The following SNRNP200 variants were observed in gnomAD, a reference collection of about 807,000 sequenced individuals.
The protein encoded by SNRNP200 is small nuclear ribonucleoprotein U5 subunit 200, also known as U5 small nuclear ribonucleoprotein 200 kDa helicase.
In SNRNP200, 66 loss-of-function variants were observed where a neutral mutation model predicts 255.2. The ratio of observed to expected loss-of-function variants is 0.26; its 90% CI spans 0.21 to 0.32. The LOEUF is 0.32. Ranked by LOEUF, SNRNP200 falls within the 10% of genes least tolerant of loss-of-function variation. The pLI is 1.00. For synonymous variants in SNRNP200, 939 were observed against 1,027.8 expected, an observed-to-expected ratio of 0.91 and a Z score of 1.65; for missense variants, 1,585 against 2,749.8, an observed-to-expected ratio of 0.58 and a Z score of 9.47.
At chr2:96,298,738 A>G (rs911992935) in intron 7 of SNRNP200, 36 bp from the exon 8 acceptor site, 1 of 1,613,756 alleles carries the variant, frequency 6.2e-7, no homozygotes, top group Non-Finnish European at 8.5e-7. Flanking sequence ...TTAAGGCCAA[A>G]GCCATCTGCC....
At chr2:96,295,167 C>T (rs2063909253) in intron 14 of SNRNP200, among the ~76,000 whole-genome samples, 1 of 152,190 alleles carries the variant, frequency 6.6e-6, no homozygotes, top group Admixed American at 6.5e-5. Context: ...CAAGATCGTG[C>T]CACTGTACTC....
At position 96,289,546 on chromosome 2, in the gene SNRNP200, G is replaced by A. The variant is rs553552044; in HGVS notation, c.2941-167C>T. On this transcript the variant is annotated intron_variant, in intron 21 of 44. Transcript: ENST00000323853. ...AGGACAACTGGATGAAGTCACAGCA[G>A]TACAAGTGCCAGGCCCAGGCACATG... is the stretch of plus-strand genomic sequence containing the variant. Among the ~76,000 whole-genome samples the A allele has an allele frequency of 2.6e-5, 4 of 152,238 alleles. No individual in the cohort carries two copies. The East Asian group carries it at 7.7e-4, about 29-fold the overall frequency.
chr2:96,289,420 G>T, intron 21 of SNRNP200, 41 bp from the exon 22 acceptor site: 1 of 1,607,482 alleles, frequency 6.2e-7, no homozygotes, highest in South Asian at 1.1e-5. Context: ...GACTATTAAT[G>T]AGCTCCAACC....
Position 96,290,707 on chromosome 2 carries a change from G to GT in SNRNP200, c.2529dup (p.Leu844ThrfsTer19). On this transcript the variant is annotated frameshift_variant, in exon 19 of 45. Coordinates refer to ENST00000323853, the MANE Select transcript of SNRNP200 (RefSeq NM_014014.5). LOFTEE classifies it high-confidence loss of function. The surrounding 1 kb of genome is among the most constrained non-coding windows in gnomAD (Gnocchi z 4.5). Reference sequence around the variant, plus strand: ...ACCTGCAGAATGTCCAGTGCTCCCAGTTCTGTCCAACGCCCCTTCTCTGGA... The same window carrying GT: ...ACCTGCAGAATGTCCAGTGCTCCCAGTTTCTGTCCAACGCCCCTTCTCTGGA... 6.2e-7 allele frequency: 1 copy of GT among 1,614,190 alleles called. No homozygotes were observed. The highest frequency in any genetic ancestry group is 8.5e-7 in the Non-Finnish European group (1 of 1,180,038).
chr2:96,302,793 A>G (rs1488722737), intron 3 of SNRNP200, among the ~76,000 whole-genome samples: 1 of 152,198 alleles, frequency 6.6e-6, no homozygotes, highest in Non-Finnish European at 1.5e-5. Flanking sequence ...ACTATAAGGC[A>G]TATTACAAAA....
intron 9 of SNRNP200, 99 bp downstream of exon 9, chr2:96,298,185 T>C: frequency 6.4e-7 from 1 of 1,558,192 alleles, no homozygotes; most frequent in African/African-American, 1.4e-5. Context: ...GGAAATTACT[T>C]TTTCAACTTC....
chr2:96,283,589 C>G lies in SNRNP200; in HGVS notation c.4709G>C (p.Arg1570Pro). 1 of 1,614,026 alleles carries G rather than the reference C, an allele frequency of 6.2e-7. No homozygotes were observed. Among genetic ancestry groups the G allele is most frequent in the South Asian group, 1.1e-5 (1 of 91,086 alleles). Residue 1570 changes from arginine to proline, a missense_variant, in exon 33 of 45, where the codon CGC (arginine) becomes CCC (proline). Around this residue, in one of 9 missense-constraint regions of SNRNP200, gnomAD observed 719 missense variants for 1,091.1 expected, o/e 0.66. Transcript: ENST00000323853. This position sits in a 1 kb window ranked among gnomAD's most constrained non-coding sequence, Gnocchi z 4.7. ...IVFVPSRKQT[R>P]LTAIDILTTC... is the part of the protein sequence containing the mutation. The stretch of plus-strand genomic sequence containing the variant: ...GGTGAGGATGTCAATGGCAGTGAGG[C>G]GGGTCTGCTTGCGAGACGGCACAAA...
intron 43 of SNRNP200, among the ~76,000 whole-genome samples, chr2:96,276,162 GA>G (rs1271866264): frequency 3.9e-5 from 6 of 152,328 alleles, no homozygotes; most frequent in Middle Eastern, 6.8e-3. Context: ...TTAGTTTACA[GA>G]ATTAAACATG....
Position 96,285,270 on chromosome 2 carries a change from A to C in SNRNP200, c.4074T>G (p.Ile1358Met), listed in dbSNP as rs750776647. 1 of 1,614,170 alleles carries C rather than the reference A, an allele frequency of 6.2e-7. No homozygotes were observed. Among genetic ancestry groups the C allele is most frequent in the Non-Finnish European group, 8.5e-7 (1 of 1,180,038 alleles). ...TTCGCAGGATGGCAAACTCTGCACA[A>C]ATAGTCTTCCCGCTGCCCGTGGGGG... is the stretch of plus-strand genomic sequence containing the variant. ...VGAPTGSGKTICAEFAILRML... is the reference protein window; with the variant it reads ...VGAPTGSGKTMCAEFAILRML... Residue 1358 changes from isoleucine to methionine, a missense_variant, in exon 30 of 45, where the codon ATT (isoleucine) becomes ATG (methionine). Ile to Met is a conservative substitution (Grantham distance 10). Coordinates refer to ENST00000323853, the MANE Select transcript of SNRNP200 (RefSeq NM_014014.5).
chr2:96,275,461 G>C (rs1356158213), intron 43 of SNRNP200, 112 bp from the exon 44 acceptor site: 1 of 888,414 alleles, frequency 1.1e-6, no homozygotes, highest in Non-Finnish European at 1.9e-6. Context: ...GCTTTCCAAA[G>C]TTTCTTCCCG....
At chr2:96,288,534 G>A in intron 24 of SNRNP200, 129 bp downstream of exon 24, 1 of 800,514 alleles carries the variant, frequency 1.2e-6, no homozygotes. Flanking sequence ...CAACTACCCG[G>A]CAAGAGCAGA....
chr2:96,289,899 G>A lies in SNRNP200; in HGVS notation c.2840C>T (p.Pro947Leu), dbSNP rs2104348526. 1.2e-6 allele frequency: 2 copies of A among 1,614,136 alleles called. No individual in the cohort carries two copies. The highest frequency in any genetic ancestry group is 1.7e-6 in the Non-Finnish European group (2 of 1,180,016). ...ATCTAGTCGGCGCTGGTCCAGCAGG[G>A]GATCTCCCTTGAGGTCATCATGAGA... ...GISHDDLKGDPLLDQRRLDLV... is the reference protein window; with the variant it reads ...GISHDDLKGDLLLDQRRLDLV... Residue 947 changes from proline to leucine, a missense_variant, in exon 21 of 45, where the codon CCC becomes CTC. Coordinates refer to ENST00000323853, the MANE Select transcript of SNRNP200 (RefSeq NM_014014.5).
Position 96,296,917 on chromosome 2 carries a change from G to A in SNRNP200, c.1515+16C>T, listed in dbSNP as rs2063920694. ...ACCATATTCTACAAGAAAACAGCAG[G>A]CAGGGTGGCGCTTACAGTAGGAGCA... is the stretch of plus-strand genomic sequence containing the variant. On this transcript the variant is annotated intron_variant, in intron 12 of 44. Transcript: ENST00000323853. The A allele has an allele frequency of 6.2e-7, 1 of 1,613,974 alleles. No homozygotes were observed. Among genetic ancestry groups the A allele is most frequent in the East Asian group, 2.2e-5 (1 of 44,898 alleles).
Position 96,284,016 on chromosome 2 carries a change from G to T in SNRNP200, c.4393-12C>A. On this transcript the variant is annotated splice_polypyrimidine_tract_variant and intron_variant, in intron 31 of 44. Coordinates refer to ENST00000323853, the MANE Select transcript of SNRNP200 (RefSeq NM_014014.5). Reference sequence around the variant, plus strand: ...ACTTCTAAGACAGGCTGGAAAGAGGGAGGGAGGGAGGGTCACTGCAGGCCA... The same window carrying T: ...ACTTCTAAGACAGGCTGGAAAGAGGTAGGGAGGGAGGGTCACTGCAGGCCA... 2.6e-6 allele frequency: 4 copies of T among 1,519,922 alleles called. No individual in the cohort carries two copies. The highest frequency in any genetic ancestry group is 1.4e-5 in the African/African-American group (1 of 72,778). The allele number at this position is 1,519,922 out of a possible 1,614,324, so 94.2% of individuals were successfully genotyped here.
At position 96,286,809 on chromosome 2, in the gene SNRNP200, A is replaced by T. The variant is rs754864153; in HGVS notation, c.3708T>A (p.His1236Gln). ...EDVDSEVILH[H>Q]EYFLLKAKYA... Reference sequence around the variant, plus strand: ...ACTTGGCCTTGAGGAGAAAATACTCATGGTGCAGAATCACCTCGCTGTCCA... The same window carrying T: ...ACTTGGCCTTGAGGAGAAAATACTCTTGGTGCAGAATCACCTCGCTGTCCA... The change falls in exon 28 of 45, where the codon CAT becomes CAA. Residue 1236 changes from histidine to glutamine, a missense_variant. Coordinates refer to ENST00000323853, the MANE Select transcript of SNRNP200 (RefSeq NM_014014.5). This position sits in a 1 kb window ranked among gnomAD's most constrained non-coding sequence, Gnocchi z 4.8. 1 of 1,614,192 alleles carries T rather than the reference A, an allele frequency of 6.2e-7. No individual in the cohort carries two copies. The highest frequency in any genetic ancestry group is 8.5e-7 in the Non-Finnish European group (1 of 1,180,032).
Position 96,299,451 on chromosome 2 carries a change from C to T in SNRNP200, c.631-24G>A, listed in dbSNP as rs2063939527. The T allele has an allele frequency of 1.9e-6, 3 of 1,579,422 alleles. No homozygotes were observed. In the East Asian group the frequency reaches 6.7e-5, roughly 35 times the overall value. ...TCCTGTGGAAATGACCCCAACTCAA[C>T]CATGATCTGGAGCTGATCCTGCATC... On this transcript the variant is annotated intron_variant, in intron 5 of 44. Transcript: ENST00000323853.
In SNRNP200 at chr2:96,286,570, T is replaced by C. The variant is rs904305829; in HGVS notation, c.3830-86A>G. ...ATCCCCTCCATGAACACTGGAAACCTAGGCAGCATATGTATCACTCTGTCC... is the reference window on the plus strand; with the variant it reads ...ATCCCCTCCATGAACACTGGAAACCCAGGCAGCATATGTATCACTCTGTCC... On this transcript the variant is annotated intron_variant, in intron 28 of 44. Transcript: ENST00000323853. This position sits in a 1 kb window ranked among gnomAD's most constrained non-coding sequence, Gnocchi z 4.8. 1.6e-5 allele frequency: 26 copies of C among 1,590,380 alleles called. 1 individual carries two copies. The South Asian group carries it at 2.7e-4, about 16-fold the overall frequency.
rs965647107 is a variant in SNRNP200, at chr2:96,295,411, A to G, written c.1842+77T>C. On this transcript the variant is annotated intron_variant, in intron 14 of 44. Transcript: ENST00000323853. Reference sequence around the variant, plus strand: ...AGTGCCTACAGAAAAGGCAGCAAAGAAACATTTCGCATGAAAACCCAGCAA... The same window carrying G: ...AGTGCCTACAGAAAAGGCAGCAAAGGAACATTTCGCATGAAAACCCAGCAA... 3.8e-6 allele frequency: 6 copies of G among 1,572,786 alleles called. No individual in the cohort carries two copies. The Admixed American group carries it at 1.0e-4, about 26-fold the overall frequency.
intron 30 of SNRNP200, 127 bp from the exon 31 acceptor site, chr2:96,284,712 A>G (rs987361615): frequency 1.4e-6 from 1 of 733,552 alleles, no homozygotes; most frequent in East Asian, 2.6e-5. Flanking sequence ...TTCTAATCCC[A>G]TAGCAGCCTC....
Sources: gnomAD v4.1 joint callset for allele counts (sites outside exome capture counted in the v4.1 genomes callset) on GRCh38, gnomAD v4.1.1 for gene constraint, gnomAD v4.1.1 regional missense constraint, Gnocchi (gnomAD v3.1) non-coding constraint, MANE v1.5 for transcripts, NCBI Gene and HGNC (gene_info 2026-07-23, HGNC 2026-07-21) for gene names.